COL4A2: variants seen among roughly 807,000 people sequenced by gnomAD.
COL4A2 encodes collagen type IV alpha 2 chain.
In COL4A2, 99 loss-of-function variants were observed where a neutral mutation model predicts 200.2. That is an observed-to-expected ratio of 0.49 (90% CI 0.42 to 0.58). The LOEUF is 0.58. COL4A2 is among the 20% of genes least tolerant of loss of function. The pLI, the probability that COL4A2 is intolerant of heterozygous loss-of-function variation, is 0.00. For missense variants in COL4A2, 1,950 were observed against 2,314.1 expected, an observed-to-expected ratio of 0.84 and a Z score of 3.23; for synonymous variants, 897 against 900.6, an observed-to-expected ratio of 1.00 and a Z score of 0.07.
chr13:110,332,157 CTTA>C, intron 3 of COL4A2, among the ~76,000 whole-genome samples: 1 of 152,032 alleles, frequency 6.6e-6, no homozygotes, highest in Admixed American at 6.5e-5. Context: ...TTTTTTCAAC[CTTA>C]TTATACTGTC....
At chr13:110,486,768 T>G (rs905913107) in intron 34 of COL4A2, among the ~76,000 whole-genome samples, 1 of 151,980 alleles carries the variant, frequency 6.6e-6, no homozygotes. Flanking sequence ...GGGGTTGTTC[T>G]CTGGCGGGCA....
chr13:110,432,563 G>T (rs939778966), intron 11 of COL4A2, among the ~76,000 whole-genome samples: 4 of 152,112 alleles, frequency 2.6e-5, no homozygotes, highest in African/African-American at 9.7e-5. Context: ...AAAGTAAACA[G>T]GTGGAATGAT....
At position 110,491,353 on chromosome 13, in the gene COL4A2, G is replaced by A. The variant is rs200830236; in HGVS notation, c.3454+13G>A. 2.9e-4 allele frequency: 440 copies of A among 1,533,710 alleles called. No homozygotes were observed. The African/African-American group carries it at 5.4e-3, about 19-fold the overall frequency. On this transcript the variant is annotated intron_variant, in intron 37 of 47. Transcript: ENST00000360467. ...AAAGGACAAACAGGTAAAATCTCCCGCAGCCACACAGCCTTCCTCAGGCAG... is the reference window on the plus strand; with the variant it reads ...AAAGGACAAACAGGTAAAATCTCCCACAGCCACACAGCCTTCCTCAGGCAG...
chr13:110,317,702 C>T (rs1389961142), intron 3 of COL4A2, among the ~76,000 whole-genome samples: 7 of 152,196 alleles, frequency 4.6e-5, no homozygotes, highest in Admixed American at 4.6e-4. Flanking sequence ...CCCCAACCGG[C>T]CCTCTCCAAG....
At chr13:110,477,415 C>T (rs751634747) in intron 29 of COL4A2, among the ~76,000 whole-genome samples, 3 of 152,136 alleles carry the variant, frequency 2.0e-5, no homozygotes, top group South Asian at 4.1e-4. Flanking sequence ...TGAATCAGTG[C>T]GATGTATCTT....
At chr13:110,319,348 G>A (rs747281212) in intron 3 of COL4A2, among the ~76,000 whole-genome samples, 28 of 152,036 alleles carry the variant, frequency 1.8e-4, no homozygotes, top group Non-Finnish European at 2.6e-4. Flanking sequence ...AGAACAAATG[G>A]AAACACTTAT....
At chr13:110,314,875 G>C (rs978602055) in intron 3 of COL4A2, among the ~76,000 whole-genome samples, 1 of 152,342 alleles carries the variant, frequency 6.6e-6, no homozygotes, top group Non-Finnish European at 1.5e-5. Flanking sequence ...GGCTGGTGGA[G>C]GACTTAGGCC....
chr13:110,361,435 G>A (rs1311669340), intron 4 of COL4A2, among the ~76,000 whole-genome samples: 2 of 152,142 alleles, frequency 1.3e-5, no homozygotes, highest in African/African-American at 4.8e-5. Context: ...TGGTGCTACT[G>A]TAACAGCCCT....
At chr13:110,331,482 G>C (rs1419449457) in intron 3 of COL4A2, among the ~76,000 whole-genome samples, 1 of 152,294 alleles carries the variant, frequency 6.6e-6, no homozygotes, top group South Asian at 2.1e-4. Context: ...GCAGACTCAC[G>C]CCTGACCCTC....
At chr13:110,351,156 T>C (rs943526546) in intron 3 of COL4A2, among the ~76,000 whole-genome samples, 4 of 152,136 alleles carry the variant, frequency 2.6e-5, no homozygotes, top group African/African-American at 9.7e-5. Context: ...TCAAGCCATC[T>C]TCCCACCCCA....
At chr13:110,373,031 T>C (rs1330009583) in intron 4 of COL4A2, among the ~76,000 whole-genome samples, 1 of 152,268 alleles carries the variant, frequency 6.6e-6, no homozygotes, top group African/African-American at 2.4e-5. Context: ...TTTATTTCTT[T>C]ATACATAATA....
At chr13:110,456,581 C>A (rs1236341473) in intron 20 of COL4A2, 5 of 363,486 alleles carry the variant, frequency 1.4e-5, no homozygotes, top group Admixed American at 1.1e-4. Flanking sequence ...TCTTTCCAAC[C>A]CTGAAGGCTA....
intron 16 of COL4A2, among the ~76,000 whole-genome samples, chr13:110,441,200 G>A (rs1881110864): frequency 6.6e-6 from 1 of 152,146 alleles, no homozygotes; most frequent in Admixed American, 6.5e-5. Context: ...GCTCAGGGCT[G>A]CACAGAGAGT....
intron 3 of COL4A2, among the ~76,000 whole-genome samples, chr13:110,325,706 G>A (rs1885388366): frequency 6.6e-6 from 1 of 152,152 alleles, no homozygotes; most frequent in Non-Finnish European, 1.5e-5. Context: ...TCGGGACACG[G>A]AAGCTACACT....
chr13:110,477,308 C>A (rs1400454156), intron 29 of COL4A2, among the ~76,000 whole-genome samples: 1 of 152,246 alleles, frequency 6.6e-6, no homozygotes. Flanking sequence ...CCCGACACCA[C>A]GTTTCACTGC....
In COL4A2 at chr13:110,457,412, C is replaced by T. The variant is rs1284916032; in HGVS notation, c.1409C>T (p.Ala470Val). Residue 470 changes from alanine to valine, a missense_variant, in exon 21 of 48, where the codon GCC becomes GTC. Physicochemically the swap from Ala to Val is moderately conservative, Grantham distance 64. Coordinates refer to ENST00000360467, the MANE Select transcript of COL4A2 (RefSeq NM_001846.4). The part of the protein sequence containing the change: ...GFPGLPGSPG[A>V]RGPKGWKGDA... Reference sequence around the variant, plus strand: ...CCTGGGCTTCCCGGCTCCCCTGGAGCCCGCGGACCAAAGGGGTGGAAAGGT... The same window carrying T: ...CCTGGGCTTCCCGGCTCCCCTGGAGTCCGCGGACCAAAGGGGTGGAAAGGT... 11 of 1,610,154 alleles carry T rather than the reference C, an allele frequency of 6.8e-6. No homozygotes were observed. The highest frequency in any genetic ancestry group is 9.3e-6 in the Non-Finnish European group (11 of 1,176,574).
At chr13:110,454,589 G>C (rs1881650827) in intron 20 of COL4A2, among the ~76,000 whole-genome samples, 3 of 152,110 alleles carry the variant, frequency 2.0e-5, no homozygotes, top group African/African-American at 7.2e-5. Flanking sequence ...GTCACCCTTT[G>C]TCCCCAGCAG....
chr13:110,396,579 G>A (rs1879190002), intron 4 of COL4A2, among the ~76,000 whole-genome samples: 4 of 152,138 alleles, frequency 2.6e-5, no homozygotes, highest in African/African-American at 7.2e-5. Context: ...GTCTTTTCTG[G>A]AGAACATGCC....
intron 15 of COL4A2, among the ~76,000 whole-genome samples, chr13:110,439,389 T>C (rs1290206309): frequency 6.6e-6 from 1 of 152,260 alleles, no homozygotes. Flanking sequence ...TTTGTGAGTT[T>C]CTCTGTATTT....
Sources: allele counts gnomAD v4.1 joint callset (sites outside exome capture counted in the v4.1 genomes callset), GRCh38; gene constraint gnomAD v4.1.1; transcripts MANE v1.5; gene names NCBI Gene and HGNC (gene_info 2026-07-23, HGNC 2026-07-21).